The following MCF2L variants were observed in gnomAD, a reference collection of about 807,000 sequenced individuals.
The protein encoded by MCF2L is guanine nucleotide exchange factor DBS.
A neutral mutation model predicts 153.4 loss-of-function variants in MCF2L; 97 were observed. The observed-to-expected ratio is 0.63, with a 90% CI of 0.54 to 0.75. The LOEUF (loss-of-function observed/expected upper bound fraction) is 0.75, where lower values mean the gene tolerates loss of function less well. Among genes scored for constraint, MCF2L ranks in the 30% least tolerant of loss-of-function variants. The pLI, the probability that MCF2L is intolerant of heterozygous loss-of-function variation, is 0.00. For missense variants in MCF2L, 1,347 were observed against 1,495.2 expected (o/e 0.90, Z 1.64); for synonymous variants, 659 against 632.2 (o/e 1.04, Z -0.64).
intron 1 of MCF2L, 68 bp from the exon 2 acceptor site, chr13:113,014,695 C>A: frequency 1.5e-6 from 2 of 1,336,452 alleles, no homozygotes; most frequent in South Asian, 1.2e-5. Flanking sequence ...CGTGTGGGAT[C>A]GGGTGGGCGC....
chr13:113,075,241 C>T, intron 11 of MCF2L, 52 bp downstream of exon 11: 1 of 1,495,550 alleles, frequency 6.7e-7, no homozygotes, highest in Middle Eastern at 2.2e-4. Context: ...GAACCAGCCT[C>T]TTCCTCCCAC....
intron 2 of MCF2L, among the ~76,000 whole-genome samples, chr13:112,947,182 A>G (rs1306270663): frequency 1.3e-5 from 2 of 152,172 alleles, no homozygotes; most frequent in African/African-American, 4.8e-5. Flanking sequence ...CCCTTGTCCT[A>G]ACCACCTACC....
chr13:112,946,346 C>T (rs944899231), intron 2 of MCF2L, among the ~76,000 whole-genome samples: 1 of 151,542 alleles, frequency 6.6e-6, no homozygotes, highest in African/African-American at 2.4e-5. Flanking sequence ...GTGGTTGTGA[C>T]CCACATGAGA....
chr13:112,987,962 T>A (rs2082718555), intron 1 of MCF2L, among the ~76,000 whole-genome samples: 1 of 152,214 alleles, frequency 6.6e-6, no homozygotes, highest in Non-Finnish European at 1.5e-5. Context: ...TGCTCTATAT[T>A]TTTGTTCTTC....
intron 2 of MCF2L, among the ~76,000 whole-genome samples, chr13:112,902,801 C>T (rs1165790669): frequency 6.6e-6 from 1 of 152,212 alleles, no homozygotes; most frequent in Non-Finnish European, 1.5e-5. Flanking sequence ...GGCAAAGCCT[C>T]AGCTGGTCTC....
At chr13:112,979,744 G>A (rs780093296) in intron 1 of MCF2L, 18 of 1,611,850 alleles carry the variant, frequency 1.1e-5, no homozygotes, top group Non-Finnish European at 1.2e-5. Context: ...GGAACTGCAG[G>A]GCGCTCGAGG....
chr13:113,001,871 C>G (rs772785899), intron 1 of MCF2L: 41 of 1,560,384 alleles, frequency 2.6e-5, no homozygotes, highest in Middle Eastern at 1.9e-4. Context: ...AAGGGCGTTC[C>G]GGGAGCCGGG....
intron 8 of MCF2L, among the ~76,000 whole-genome samples, chr13:113,066,374 C>G (rs1048647491): frequency 6.6e-6 from 1 of 152,162 alleles, no homozygotes; most frequent in South Asian, 2.1e-4. Flanking sequence ...GCTTTTCTCT[C>G]GAACCCCACA....
chr13:112,986,524 G>A (rs2082648846), intron 1 of MCF2L, among the ~76,000 whole-genome samples: 2 of 152,220 alleles, frequency 1.3e-5, no homozygotes, highest in African/African-American at 2.4e-5. Flanking sequence ...AGGACCCACC[G>A]CACAGGGGTG....
At position 113,078,446 on chromosome 13, in the gene MCF2L, G is replaced by T; in HGVS notation, c.1734+10G>T. The T allele has an allele frequency of 6.2e-7, 1 of 1,607,734 alleles. No individual in the cohort carries two copies. The highest frequency in any genetic ancestry group is 1.1e-5 in the South Asian group (1 of 90,286). On this transcript the variant is annotated intron_variant, in intron 14 of 29. Coordinates refer to ENST00000535094, the MANE Select transcript of MCF2L (RefSeq NM_001112732.3). ...CTACCGGAGGGCCAAGGTGAGGCTTGCCCAAGACAACCCCGCCATCCACAC... is the reference window on the plus strand; with the variant it reads ...CTACCGGAGGGCCAAGGTGAGGCTTTCCCAAGACAACCCCGCCATCCACAC...
At chr13:112,961,080 AGTCTGCTATGCCTCCACGTTGC>A (rs1309473266) in intron 2 of MCF2L, among the ~76,000 whole-genome samples, 60 of 85,472 alleles carry the variant, frequency 7.0e-4, no homozygotes, top group African/African-American at 2.0e-3. Context: ...TACCAAGGGG[AGTCTGCTATGCCTCCACGTTGC>A]ATCTGCTATG....
rs1303310939 is a variant in MCF2L, at chr13:113,035,987, G to A, written c.279-9284G>A. On this transcript the variant is annotated intron_variant, in intron 3 of 29. Transcript: ENST00000535094. This position sits in a 1 kb window ranked among gnomAD's most constrained non-coding sequence, Gnocchi z 4.4. The stretch of plus-strand genomic sequence containing the variant: ...AGTATCATCTCCGTGGTACAGCAGG[G>A]GCCTGAGGGATGTTTGGCCTCAGCA... Among the ~76,000 whole-genome samples the A allele has an allele frequency of 1.3e-5, 2 of 152,136 alleles. No homozygotes were observed. Among genetic ancestry groups the A allele is most frequent in the African/African-American group, 2.4e-5 (1 of 41,420 alleles).
chr13:113,007,010 A>G (rs1156962711), intron 1 of MCF2L, among the ~76,000 whole-genome samples: 1 of 152,032 alleles, frequency 6.6e-6, no homozygotes, highest in Non-Finnish European at 1.5e-5. Context: ...TCTGGAAGGA[A>G]CCTGCGTCCC....
intron 1 of MCF2L, among the ~76,000 whole-genome samples, chr13:112,988,137 A>C (rs2082723972): frequency 1.3e-5 from 2 of 151,888 alleles, no homozygotes; most frequent in Non-Finnish European, 2.9e-5. Flanking sequence ...TTCAGAGGGA[A>C]GTCGACGGCA....
intron 27 of MCF2L, chr13:113,095,488 G>T (rs1224610115): frequency 1.6e-5 from 17 of 1,068,172 alleles, no homozygotes; most frequent in Non-Finnish European, 1.9e-5. Flanking sequence ...GGAGGGATTT[G>T]GATCTCATTC....
chr13:113,045,389 C>G lies in MCF2L; in HGVS notation c.369+28C>G. 2 of 1,576,270 alleles carry G rather than the reference C, an allele frequency of 1.3e-6. No homozygotes were observed. Among genetic ancestry groups the G allele is most frequent in the Non-Finnish European group, 1.7e-6 (2 of 1,146,182 alleles). ...AAGTGCCACCCGGGGCTCTGCCCTG[C>G]GCCCGGCCCCTCCCTGGGCTGCATG... On this transcript the variant is annotated intron_variant, in intron 4 of 29. Coordinates refer to ENST00000535094, the MANE Select transcript of MCF2L (RefSeq NM_001112732.3). The surrounding 1 kb of genome is among the most constrained non-coding windows in gnomAD (Gnocchi z 4.2).
chr13:113,039,409 G>A (rs1210296242), intron 3 of MCF2L, among the ~76,000 whole-genome samples: 3 of 152,092 alleles, frequency 2.0e-5, no homozygotes, highest in Non-Finnish European at 2.9e-5. Flanking sequence ...GATTTCTTAC[G>A]CAAGGTTTAA....
At chr13:112,946,696 G>A (rs2081640454) in intron 2 of MCF2L, among the ~76,000 whole-genome samples, 1 of 152,204 alleles carries the variant, frequency 6.6e-6, no homozygotes, top group South Asian at 2.1e-4. Context: ...TACAGAACCT[G>A]AATAAAGGGT....
intron 1 of MCF2L, chr13:112,979,480 G>C (rs916910371): frequency 2.1e-6 from 3 of 1,428,802 alleles, no homozygotes; most frequent in Non-Finnish European, 2.7e-6. Flanking sequence ...TTGTGAGTTG[G>C]CGAAGCCCAG....
Sources: gnomAD v4.1 joint callset for allele counts (sites outside exome capture counted in the v4.1 genomes callset) on GRCh38, gnomAD v4.1.1 for gene constraint, Gnocchi (gnomAD v3.1) non-coding constraint, MANE v1.5 for transcripts, NCBI Gene and HGNC (gene_info 2026-07-23, HGNC 2026-07-21) for gene names.